The following CREB5 variants were observed in gnomAD, a reference collection of about 807,000 sequenced individuals.
CREB5 encodes the protein cyclic AMP-responsive element-binding protein 5.
In CREB5, 19 loss-of-function variants were observed where a neutral mutation model predicts 57.1. That is an observed-to-expected ratio of 0.33 (90% confidence interval 0.23 to 0.49). The LOEUF is 0.49. Among genes scored for constraint, CREB5 ranks in the 20% least tolerant of loss-of-function variants. The probability of loss-of-function intolerance (pLI) is 0.99; values close to 1 mark genes in which losing one functional copy is unlikely to be tolerated. For synonymous variants in CREB5, 238 were observed against 238.3 expected (o/e 1.00, Z 0.01); for missense variants, 579 against 671.6 (o/e 0.86, Z 1.52).
intron 1 of CREB5, among the ~76,000 whole-genome samples, chr7:28,321,927 C>T (rs1220100652): frequency 1.3e-5 from 2 of 152,106 alleles, no homozygotes; most frequent in East Asian, 1.9e-4. Context: ...TAGCAATCAA[C>T]GAAATCCCAT....
chr7:28,643,859 T>C (rs1798786913), intron 5 of CREB5, among the ~76,000 whole-genome samples: 1 of 151,474 alleles, frequency 6.6e-6, no homozygotes, highest in Non-Finnish European at 1.5e-5. Flanking sequence ...GGCAGGAGGA[T>C]CACTTGAGCT....
intron 1 of CREB5, among the ~76,000 whole-genome samples, chr7:28,329,878 C>G (rs1157417318): frequency 6.6e-6 from 1 of 152,208 alleles, no homozygotes; most frequent in African/African-American, 2.4e-5. Flanking sequence ...GAAGTAAAAC[C>G]AAACCAAACA....
At chr7:28,688,405 T>G (rs1406380923) in intron 5 of CREB5, among the ~76,000 whole-genome samples, 1 of 152,190 alleles carries the variant, frequency 6.6e-6, no homozygotes, top group Non-Finnish European at 1.5e-5. Context: ...GTTGCTCACA[T>G]GGAGCAGAAC....
intron 1 of CREB5, among the ~76,000 whole-genome samples, chr7:28,423,852 C>T (rs1788381116): frequency 6.6e-6 from 1 of 152,214 alleles, no homozygotes; most frequent in African/African-American, 2.4e-5. Flanking sequence ...ACCCCCTCCT[C>T]CCAGGGCGAC....
chr7:28,549,528 C>T (rs1391457188), intron 4 of CREB5, among the ~76,000 whole-genome samples: 2 of 152,218 alleles, frequency 1.3e-5, no homozygotes, highest in Non-Finnish European at 2.9e-5. Flanking sequence ...CGCTGTTCTT[C>T]ACTTCCTTAG....
At chr7:28,793,163 C>T (rs1333606448) in intron 7 of CREB5, among the ~76,000 whole-genome samples, 1 of 152,004 alleles carries the variant, frequency 6.6e-6, no homozygotes, top group Non-Finnish European at 1.5e-5. Flanking sequence ...GTACTGGGAG[C>T]CCCCACACTT....
intron 5 of CREB5, among the ~76,000 whole-genome samples, chr7:28,700,816 T>C (rs1801815932): frequency 6.6e-6 from 1 of 152,168 alleles, no homozygotes; most frequent in African/African-American, 2.4e-5. Context: ...GGAGGATACT[T>C]TTAACTCAGG....
intron 4 of CREB5, among the ~76,000 whole-genome samples, chr7:28,570,123 GC>G (rs1795636780): frequency 1.3e-5 from 2 of 152,206 alleles, no homozygotes; most frequent in Non-Finnish European, 2.9e-5. Flanking sequence ...CAGGATGGCA[GC>G]AGAGTGGTAA....
intron 1 of CREB5, among the ~76,000 whole-genome samples, chr7:28,333,504 C>CT (rs942437838): frequency 2.6e-5 from 4 of 151,732 alleles, no homozygotes; most frequent in Admixed American, 6.6e-5. Context: ...TTATTTTTAC[C>CT]TTTTTTTTGG....
intron 1 of CREB5, among the ~76,000 whole-genome samples, chr7:28,430,131 C>T (rs1184489393): frequency 6.6e-6 from 1 of 152,202 alleles, no homozygotes; most frequent in Non-Finnish European, 1.5e-5. Flanking sequence ...AACACACACC[C>T]TGGCTCCATG....
intron 5 of CREB5, among the ~76,000 whole-genome samples, chr7:28,584,475 C>T (rs971875541): frequency 6.6e-6 from 1 of 152,008 alleles, no homozygotes; most frequent in African/African-American, 2.4e-5. Flanking sequence ...AGGGAGAGTG[C>T]CATGTGTCTG....
At chr7:28,568,120 A>G (rs1795554539) in intron 4 of CREB5, among the ~76,000 whole-genome samples, 1 of 152,192 alleles carries the variant, frequency 6.6e-6, no homozygotes, top group South Asian at 2.1e-4. Flanking sequence ...GGACGGAAAG[A>G]TTGGAAGAGA....
intron 1 of CREB5, among the ~76,000 whole-genome samples, chr7:28,458,214 G>A (rs1206055068): frequency 1.3e-5 from 2 of 152,190 alleles, no homozygotes; most frequent in Non-Finnish European, 2.9e-5. Context: ...CAAGATGCCT[G>A]ACCATATAGT....
At chr7:28,709,252 T>A (rs13226025) in intron 5 of CREB5, among the ~76,000 whole-genome samples, 36,982 of 152,112 alleles carry the variant, frequency 0.24, 4,979 homozygotes, top group Middle Eastern at 0.38. Flanking sequence ...CTGTTCAGGC[T>A]TTTAGGGTCT....
At chr7:28,343,508 T>C (rs1785976544) in intron 1 of CREB5, among the ~76,000 whole-genome samples, 1 of 150,912 alleles carries the variant, frequency 6.6e-6, no homozygotes, top group Non-Finnish European at 1.5e-5. Context: ...GCTTCATTCA[T>C]ATTATTGCAA....
chr7:28,636,878 G>T (rs1456235027), intron 5 of CREB5, among the ~76,000 whole-genome samples: 1 of 152,142 alleles, frequency 6.6e-6, no homozygotes, highest in Non-Finnish European at 1.5e-5. Context: ...AAATTTCACT[G>T]AGTGCAGTGG....
chr7:28,706,102 C>G (rs971076598), intron 5 of CREB5, among the ~76,000 whole-genome samples: 1 of 152,202 alleles, frequency 6.6e-6, no homozygotes, highest in Non-Finnish European at 1.5e-5. Flanking sequence ...CGCCTGTAAT[C>G]CCAACACTTT....
At chr7:28,796,028 C>T (rs1200926820) in intron 7 of CREB5, among the ~76,000 whole-genome samples, 2 of 152,244 alleles carry the variant, frequency 1.3e-5, no homozygotes, top group Non-Finnish European at 1.5e-5. Flanking sequence ...GCTGGGATTA[C>T]AGGTGTGAGG....
At chr7:28,458,787 A>G (rs1790222753) in intron 1 of CREB5, among the ~76,000 whole-genome samples, 1 of 152,220 alleles carries the variant, frequency 6.6e-6, no homozygotes, top group South Asian at 2.1e-4. Context: ...CATGGGAATT[A>G]AATGGATTGA....
Sources: gnomAD v4.1 joint callset for allele counts (sites outside exome capture counted in the v4.1 genomes callset) on GRCh38, gnomAD v4.1.1 for gene constraint, MANE v1.5 for transcripts, NCBI Gene and HGNC (gene_info 2026-07-23, HGNC 2026-07-21) for gene names.